SZT2: variants seen among roughly 807,000 people sequenced by gnomAD.
SZT2 encodes KICSTOR complex protein SZT2.
In SZT2, 216 loss-of-function variants were observed where a neutral mutation model predicts 404.2. The observed-to-expected ratio is 0.53, with a 90% CI of 0.48 to 0.60. The LOEUF is 0.60. Ranked by LOEUF, SZT2 falls within the 20% of genes least tolerant of loss-of-function variation. SZT2 has a pLI of 0.00. For missense variants in SZT2, 3,857 were observed against 4,459.2 expected (o/e 0.86, Z 3.85); for synonymous variants, 1,693 against 1,749.9 (o/e 0.97, Z 0.81).
At chr1:43,406,235 C>T in intron 4 of SZT2, 3 of 316,966 alleles carry the variant, frequency 9.5e-6, no homozygotes, top group South Asian at 7.1e-5. Flanking sequence ...TTACAGGTGC[C>T]CACTACCACA....
chr1:43,411,698 G>A (rs1015629444), intron 4 of SZT2, among the ~76,000 whole-genome samples: 7 of 149,886 alleles, frequency 4.7e-5, no homozygotes, highest in African/African-American at 1.7e-4. Context: ...TGTGGAGGGG[G>A]AAGAATGAAA....
Position 43,426,064 on chromosome 1 carries a change from G to A in SZT2, c.2956G>A (p.Val986Ile), listed in dbSNP as rs531185509. 28 of 1,614,080 alleles carry A rather than the reference G, an allele frequency of 1.7e-5. No individual in the cohort carries two copies. The highest frequency in any genetic ancestry group is 2.0e-5 in the Non-Finnish European group (24 of 1,180,006). The change falls in exon 21 of 72, where the codon GTC becomes ATC. Residue 986 changes from valine to isoleucine, a missense_variant. Transcript: ENST00000634258. The surrounding 1 kb of genome is among the most constrained non-coding windows in gnomAD (Gnocchi z 4.9). ...ATTGGATCAGGGAGGAGACACCTGC[G>A]TCCATGAGATCCCTTTCCATTTTGA... The part of the protein sequence containing the change: ...DGLDQGGDTC[V>I]HEIPFHFDLM...
chr1:43,444,417 A>G (rs1007962828), intron 62 of SZT2, among the ~76,000 whole-genome samples: 20 of 152,068 alleles, frequency 1.3e-4, no homozygotes. Context: ...AATCTTGTAC[A>G]TGCTCCTAAG....
chr1:43,392,770 A>G (rs1207101926), intron 1 of SZT2, among the ~76,000 whole-genome samples: 1 of 152,214 alleles, frequency 6.6e-6, no homozygotes, highest in Non-Finnish European at 1.5e-5. Context: ...ATCAGAAGGT[A>G]AAGAGATTGA....
intron 1 of SZT2, chr1:43,394,031 C>G (rs1352674220): frequency 2.0e-6 from 2 of 976,524 alleles, no homozygotes; most frequent in Non-Finnish European, 2.4e-6. Flanking sequence ...CTTTGTCTTC[C>G]TTGCCAGACT....
chr1:43,447,358 T>C (rs1655801667), intron 66 of SZT2, among the ~76,000 whole-genome samples, 187 bp from the exon 67 acceptor site: 1 of 152,228 alleles, frequency 6.6e-6, no homozygotes, highest in South Asian at 2.1e-4. Flanking sequence ...CCATGTCACA[T>C]GTCCCCTGCC....
At chr1:43,398,318 A>G (rs1165640741) in intron 1 of SZT2, among the ~76,000 whole-genome samples, 1 of 152,218 alleles carries the variant, frequency 6.6e-6, no homozygotes, top group East Asian at 1.9e-4. Context: ...TCACTTATTT[A>G]GAGAAATGTT....
intron 40 of SZT2, among the ~76,000 whole-genome samples, chr1:43,433,477 T>C (rs940101704): frequency 1.3e-5 from 2 of 152,200 alleles, no homozygotes; most frequent in African/African-American, 4.8e-5. Flanking sequence ...TAGAAGTTCG[T>C]GTATAAAAAT....
At position 43,432,572 on chromosome 1, in the gene SZT2, C is replaced by A; in HGVS notation, c.5498C>A (p.Pro1833His). Residue 1833 changes from proline to histidine, a missense_variant, in exon 38 of 72, where the codon CCC becomes CAC. Pro to His is a moderately conservative substitution (Grantham distance 77). Transcript: ENST00000634258. ...PGSPEDSEGV[P>H]LISLPRVPQG... Reference sequence around the variant, plus strand: ...TCCCCAGAGGATTCTGAGGGTGTCCCCCTCATCAGCCTGCCCCGCGTGCCA... The same window carrying A: ...TCCCCAGAGGATTCTGAGGGTGTCCACCTCATCAGCCTGCCCCGCGTGCCA... 6.2e-7 allele frequency: 1 copy of A among 1,613,700 alleles called. No homozygotes were observed. Among genetic ancestry groups the A allele is most frequent in the East Asian group, 2.2e-5 (1 of 44,862 alleles).
Position 43,453,438 on chromosome 1 carries a change from G to T in SZT2, c.*2958G>T. On this transcript the variant is annotated 3_prime_UTR_variant, in exon 72 of 72. Coordinates refer to ENST00000634258, the MANE Select transcript of SZT2 (RefSeq NM_001365999.1). ...CGCACGGCCTGCTCCAGTCCCTCTC[G>T]GAAGGCCGCCTGTCTCCCGGGGACG... The T allele has an allele frequency of 6.4e-7, 1 of 1,563,862 alleles. No homozygotes were observed. The highest frequency in any genetic ancestry group is 8.7e-7 in the Non-Finnish European group (1 of 1,153,114).
Position 43,437,767 on chromosome 1 carries a change from C to A in SZT2, c.6397-24C>A, listed in dbSNP as rs759576984. 1 of 1,614,108 alleles carries A rather than the reference C, an allele frequency of 6.2e-7. No homozygotes were observed. The highest frequency in any genetic ancestry group is 8.5e-7 in the Non-Finnish European group (1 of 1,179,978). On this transcript the variant is annotated intron_variant, in intron 45 of 71. Coordinates refer to ENST00000634258, the MANE Select transcript of SZT2 (RefSeq NM_001365999.1). This position sits in a 1 kb window ranked among gnomAD's most constrained non-coding sequence, Gnocchi z 5.3. ...TGCACTTTGCTCTCTGGAACCGGGG[C>A]CCTGACCACAGTTTTCCCTGTAGGG...
intron 4 of SZT2, among the ~76,000 whole-genome samples, chr1:43,413,000 C>T (rs747192381): frequency 2.0e-5 from 3 of 152,192 alleles, no homozygotes; most frequent in Admixed American, 2.0e-4. Context: ...ATCCAAAAGA[C>T]AGGCAATAAC....
chr1:43,444,834 A>G (rs1473884405), intron 62 of SZT2, among the ~76,000 whole-genome samples: 6 of 152,154 alleles, frequency 3.9e-5, no homozygotes, highest in Admixed American at 3.9e-4. Flanking sequence ...TCGTGTCTCC[A>G]GATTTGTGAG....
At chr1:43,404,167 A>C (rs1051210024) in intron 3 of SZT2, 1 of 560,684 alleles carries the variant, frequency 1.8e-6, no homozygotes, top group Non-Finnish European at 3.1e-6. Context: ...GGATCAGGCC[A>C]CTGCGCTCTA....
At chr1:43,433,256 C>T in intron 40 of SZT2, 66 bp downstream of exon 40, 1 of 1,534,868 alleles carries the variant, frequency 6.5e-7, no homozygotes, top group Admixed American at 1.7e-5. Context: ...TCCCACAGTA[C>T]CTCTCTCCAG....
chr1:43,452,979 TC>T lies in SZT2; in HGVS notation c.*2501del, dbSNP rs1656604389. 1.2e-6 allele frequency: 2 copies of T among 1,605,256 alleles called. No homozygotes were observed. Among genetic ancestry groups the T allele is most frequent in the Non-Finnish European group, 8.5e-7 (1 of 1,174,878 alleles). ...GCACCCTTGCAAGGAACACTCAACT[TC>T]CTGCCCATCAAGCAATGCCCACTCC... On this transcript the variant is annotated 3_prime_UTR_variant, in exon 72 of 72. Transcript: ENST00000634258.
chr1:43,447,222 C>G, intron 66 of SZT2, 54 bp downstream of exon 66: 6 of 1,549,686 alleles, frequency 3.9e-6, no homozygotes, highest in African/African-American at 1.4e-5. Context: ...CCACAGGTGC[C>G]TCCAGGTCAG....
intron 4 of SZT2, chr1:43,410,580 A>T (rs1407409050): frequency 1.4e-5 from 2 of 144,404 alleles, no homozygotes; most frequent in Non-Finnish European, 3.1e-5. Flanking sequence ...AAAAAAAAAG[A>T]CTTAAATCTA....
chr1:43,430,953 G>A lies in SZT2; in HGVS notation c.4779G>A (p.Gln1593=), dbSNP rs1653796275. The A allele has an allele frequency of 1.2e-6, 2 of 1,612,816 alleles. No individual in the cohort carries two copies. The highest frequency in any genetic ancestry group is 1.7e-6 in the Non-Finnish European group (2 of 1,179,522). The part of the protein sequence containing the change: ...PVCSLPTCLG[Q]VLSSLEGPPV... ...CTAACTTTCCCCCTCTCCCAGGCCA[G>A]GTGCTTTCCAGTCTGGAGGGCCCCC... The change falls in exon 33 of 72, where the codon CAG becomes CAA. Residue 1593 remains glutamine (Q), a synonymous_variant. Coordinates refer to ENST00000634258, the MANE Select transcript of SZT2 (RefSeq NM_001365999.1).
Sources: gnomAD v4.1 joint callset for allele counts (sites outside exome capture counted in the v4.1 genomes callset) on GRCh38, gnomAD v4.1.1 for gene constraint, Gnocchi (gnomAD v3.1) non-coding constraint, MANE v1.5 for transcripts, NCBI Gene and HGNC (gene_info 2026-07-23, HGNC 2026-07-21) for gene names.